TAFA1: variants seen among roughly 807,000 people sequenced by gnomAD.
TAFA1 encodes the protein TAFA chemokine like family member 1.
Under a neutral mutation model 18.5 loss-of-function variants are expected in TAFA1, and 4 were observed. That is an observed-to-expected ratio of 0.22 (90% confidence interval 0.11 to 0.49). The LOEUF (loss-of-function observed/expected upper bound fraction) is 0.49. Ranked by LOEUF, TAFA1 falls within the 20% of genes least tolerant of loss-of-function variation. The pLI is 0.98. For synonymous variants in TAFA1, 56 were observed against 55.2 expected (o/e 1.01, Z -0.06); for missense variants, 147 against 169.0 (o/e 0.87, Z 0.72).
At chr3:68,394,657 A>G (rs1045251136) in intron 2 of TAFA1, among the ~76,000 whole-genome samples, 1 of 152,152 alleles carries the variant, frequency 6.6e-6, no homozygotes, top group Non-Finnish European at 1.5e-5. Flanking sequence ...CTATGCATCT[A>G]CAAGTACCTG....
intron 3 of TAFA1, among the ~76,000 whole-genome samples, chr3:68,457,191 A>T (rs1221495436): frequency 6.6e-6 from 1 of 152,216 alleles, no homozygotes; most frequent in East Asian, 1.9e-4. Context: ...GCTACAGTTA[A>T]TTTTATGCAG....
intron 3 of TAFA1, among the ~76,000 whole-genome samples, chr3:68,505,890 T>TA (rs1219555960): frequency 6.6e-6 from 1 of 151,640 alleles, no homozygotes; most frequent in Non-Finnish European, 1.5e-5. Flanking sequence ...ATTTCTTTTT[T>TA]TTTTTATTAT....
intron 2 of TAFA1, among the ~76,000 whole-genome samples, chr3:68,070,310 A>T (rs1443661160): frequency 1.3e-5 from 2 of 152,148 alleles, no homozygotes; most frequent in Non-Finnish European, 2.9e-5. Context: ...TGGGACTTGC[A>T]CCCTCTGAAG....
chr3:68,294,722 A>G (rs1369861240), intron 2 of TAFA1, among the ~76,000 whole-genome samples: 1 of 151,900 alleles, frequency 6.6e-6, no homozygotes, highest in Non-Finnish European at 1.5e-5. Flanking sequence ...CCTCTACAAA[A>G]TAAAATTAGC....
intron 2 of TAFA1, among the ~76,000 whole-genome samples, chr3:68,410,730 A>AAAAAAAAG: frequency 6.8e-6 from 1 of 147,100 alleles, no homozygotes; most frequent in Non-Finnish European, 1.5e-5. Flanking sequence ...AAAAAAAAAA[A>AAAAAAAAG]AAAGGAAGCT....
chr3:68,437,148 A>T (rs1484657075), intron 3 of TAFA1, among the ~76,000 whole-genome samples: 1 of 152,180 alleles, frequency 6.6e-6, no homozygotes, highest in Non-Finnish European at 1.5e-5. Context: ...ATATGCCACC[A>T]ATGCATCGCA....
At chr3:68,191,276 A>G (rs532338857) in intron 2 of TAFA1, among the ~76,000 whole-genome samples, 3 of 151,928 alleles carry the variant, frequency 2.0e-5, no homozygotes, top group Admixed American at 2.0e-4. Context: ...CAACAAGGCA[A>G]AAAGTTGAGT....
intron 2 of TAFA1, among the ~76,000 whole-genome samples, chr3:68,018,536 A>G (rs1704614260): frequency 6.6e-6 from 1 of 152,200 alleles, no homozygotes; most frequent in East Asian, 1.9e-4. Context: ...GTTACCCAGT[A>G]GTAATAGAAA....
intron 2 of TAFA1, among the ~76,000 whole-genome samples, chr3:68,394,683 A>T (rs924203628): frequency 3.3e-5 from 5 of 151,806 alleles, no homozygotes; most frequent in Non-Finnish European, 5.9e-5. Context: ...CCACAAACAA[A>T]AACAAGCAAT....
chr3:68,439,412 CATATATATATATATATAT>C (rs57059146), intron 3 of TAFA1, among the ~76,000 whole-genome samples: 15 of 73,462 alleles, frequency 2.0e-4, no homozygotes, highest in East Asian at 8.4e-4. Context: ...TATATACATA[CATATATATATATATATAT>C]ATATATATAT....
upstream of TAFA1, among the ~76,000 whole-genome samples, chr3:68,001,452 A>G (rs1329847938): frequency 6.6e-6 from 1 of 152,202 alleles, no homozygotes; most frequent in Non-Finnish European, 1.5e-5. Context: ...TTCAAATTAT[A>G]GTATAGAATA....
At chr3:68,303,594 G>A (rs1023092468) in intron 2 of TAFA1, among the ~76,000 whole-genome samples, 39 of 151,760 alleles carry the variant, frequency 2.6e-4, no homozygotes, top group African/African-American at 9.2e-4. Flanking sequence ...AACTACAGGC[G>A]CCCACCACCA....
intron 2 of TAFA1, among the ~76,000 whole-genome samples, chr3:68,308,751 G>A (rs72626948): frequency 0.026 from 3,942 of 152,088 alleles, 90 homozygotes; most frequent in East Asian, 0.098. Context: ...CACAGAGAAA[G>A]AGATGCTATT....
chr3:68,377,540 T>G (rs2069841914), intron 2 of TAFA1, among the ~76,000 whole-genome samples: 1 of 152,204 alleles, frequency 6.6e-6, no homozygotes, highest in African/African-American at 2.4e-5. Flanking sequence ...TTGGAAAATT[T>G]GCAGCCTGAT....
chr3:68,043,507 T>A (rs1301675923), intron 2 of TAFA1, among the ~76,000 whole-genome samples: 1 of 152,210 alleles, frequency 6.6e-6, no homozygotes, highest in Admixed American at 6.5e-5. Context: ...GCAAATAGAA[T>A]AAAGAATACT....
At chr3:68,004,986 G>A (rs560823034) in intron 1 of TAFA1, among the ~76,000 whole-genome samples, 71 of 152,124 alleles carry the variant, frequency 4.7e-4, no homozygotes, top group Admixed American at 3.0e-3. Flanking sequence ...AAATGAGCAA[G>A]AGAAAGCAGT....
chr3:68,523,787 A>C (rs1284754704), intron 3 of TAFA1, among the ~76,000 whole-genome samples: 1 of 152,132 alleles, frequency 6.6e-6, no homozygotes, highest in Admixed American at 6.5e-5. Context: ...CTTCCCAGTA[A>C]ATCCAAGGGC....
At chr3:68,071,267 G>A (rs1418353590) in intron 2 of TAFA1, among the ~76,000 whole-genome samples, 1 of 152,236 alleles carries the variant, frequency 6.6e-6, no homozygotes, top group Non-Finnish European at 1.5e-5. Context: ...AGCAGGCAAA[G>A]AGAGAGCTTG....
Position 68,275,502 on chromosome 3 carries a change from CTT to C in TAFA1, c.119-141765_119-141764del, listed in dbSNP as rs199541727. Among the ~76,000 whole-genome samples the C allele has an allele frequency of 4.9e-4, 69 of 141,100 alleles. No homozygotes were observed. The South Asian group carries it at 6.5e-3, about 13-fold the overall frequency. 92.6% of individuals were successfully genotyped at this position (141,100 alleles called of 152,430 possible). ...TCCAAGGCCTTGTAAGATTAGGGGACTTTTTTTTTTTTTTGCATAAGTCATAA... is the reference window on the plus strand; with the variant it reads ...TCCAAGGCCTTGTAAGATTAGGGGACTTTTTTTTTTTTGCATAAGTCATAA... On this transcript the variant is annotated intron_variant, in intron 2 of 4. Transcript: ENST00000478136.
Sources: gnomAD v4.1 joint callset for allele counts (sites outside exome capture counted in the v4.1 genomes callset) on GRCh38, gnomAD v4.1.1 for gene constraint, MANE v1.5 for transcripts, NCBI Gene and HGNC (gene_info 2026-07-23, HGNC 2026-07-21) for gene names.